Variants in RNF10 observed in about 807,000 individuals in gnomAD.
RNF10 encodes E3 ubiquitin-protein ligase RNF10.
In RNF10, 38 loss-of-function variants were observed where a neutral mutation model predicts 91.4. The ratio of observed to expected loss-of-function variants is 0.42; its 90% CI spans 0.32 to 0.54. RNF10 has a LOEUF of 0.54. RNF10 is among the 20% of genes least tolerant of loss of function. RNF10 has a pLI of 0.16. For missense variants in RNF10, 945 were observed against 1,012.0 expected, an observed-to-expected ratio of 0.93 and a Z score of 0.90; for synonymous variants, 364 against 366.3, an observed-to-expected ratio of 0.99 and a Z score of 0.07.
At chr12:120,557,214 G>A (rs1171750303) in intron 4 of RNF10, 68 bp from the exon 5 acceptor site, 1 of 1,411,448 alleles carries the variant, frequency 7.1e-7, no homozygotes, top group Admixed American at 1.7e-5. Context: ...GAGTAGAGAG[G>A]CCTAAAACTT....
chr12:120,575,650 CA>C lies in RNF10; in HGVS notation c.2166del (p.Ala723GlnfsTer16), dbSNP rs1354782627. On this transcript the variant is annotated frameshift_variant, in exon 15 of 17. Transcript: ENST00000325954. LOFTEE classifies it high-confidence loss of function. ...SFAQMLRVGK[A>X]KADVWPKTAP... ...TGGCAGATGCTGAGGGTTGGAAAAG[CA>C]AAAGCAGATGTGTGGCCCAAAACTG... The C allele has an allele frequency of 6.2e-7, 1 of 1,614,076 alleles. No homozygotes were observed. Among genetic ancestry groups the C allele is most frequent in the Non-Finnish European group, 8.5e-7 (1 of 1,180,048 alleles).
chr12:120,575,567 G>A, intron 14 of RNF10, 64 bp from the exon 15 acceptor site: 1 of 1,575,928 alleles, frequency 6.3e-7, no homozygotes, highest in Non-Finnish European at 8.7e-7. Context: ...GTCAAGGTAG[G>A]TCTGAAAAAG....
chr12:120,571,960 A>T (rs990824970), intron 14 of RNF10, among the ~76,000 whole-genome samples: 1 of 152,134 alleles, frequency 6.6e-6, no homozygotes, highest in African/African-American at 2.4e-5. Flanking sequence ...GCATTCCTGC[A>T]TTCAGATAAG....
At chr12:120,567,952 T>C (rs1046404902) in intron 13 of RNF10, among the ~76,000 whole-genome samples, 9 of 147,940 alleles carry the variant, frequency 6.1e-5, no homozygotes, top group Non-Finnish European at 1.0e-4. Context: ...TAAAAAAATA[T>C]TAAATGTATA....
At chr12:120,570,193 T>TTC (rs1040899383) in intron 13 of RNF10, 1 of 148,398 alleles carries the variant, frequency 6.7e-6, no homozygotes, top group African/African-American at 2.5e-5. Flanking sequence ...CCTTTTTTTT[T>TTC]TTTTTTTTTT....
At chr12:120,563,114 C>T (rs766405489) in intron 8 of RNF10, 44 bp downstream of exon 8, 4 of 1,613,006 alleles carry the variant, frequency 2.5e-6, no homozygotes, top group Non-Finnish European at 1.7e-6. Flanking sequence ...TCCTCAAATG[C>T]TGTCATTGAG....
At chr12:120,540,417 A>G (rs984999199) in intron 1 of RNF10, among the ~76,000 whole-genome samples, 1 of 152,132 alleles carries the variant, frequency 6.6e-6, no homozygotes, top group African/African-American at 2.4e-5. Context: ...CAGGAACTTG[A>G]TATTTTTTGT....
At chr12:120,545,348 AT>A (rs36040889) in intron 1 of RNF10, among the ~76,000 whole-genome samples, 265 of 132,336 alleles carry the variant, frequency 2.0e-3, no homozygotes, top group Middle Eastern at 4.1e-3. Context: ...TGCCCGGCTA[AT>A]TTTTTTTTTT....
At chr12:120,569,482 AAGG>A (rs1355866189) in intron 13 of RNF10, among the ~76,000 whole-genome samples, 2 of 151,842 alleles carry the variant, frequency 1.3e-5, no homozygotes, top group Admixed American at 1.3e-4. Flanking sequence ...TTAACTGAAA[AAGG>A]AGCATACGAA....
In RNF10 at chr12:120,546,507, A is replaced by G. The variant is rs773131270; in HGVS notation, c.260A>G (p.Gln87Arg). The stretch of plus-strand genomic sequence containing the variant: ...AACCAGTCCCGTCGCTCCAGTTCAC[A>G]GAAAAGCAAGACTTTTAACAAGATG... ...FNNQSRRSSS[Q>R]KSKTFNKMPP... is the part of the protein sequence containing the mutation. The change falls in exon 2 of 17, where the codon CAG (glutamine) becomes CGG (arginine). Residue 87 changes from glutamine to arginine, a missense_variant. Physicochemically the swap from Gln to Arg is conservative, Grantham distance 43. Transcript: ENST00000325954. The G allele has an allele frequency of 1.2e-6, 2 of 1,614,136 alleles. No individual in the cohort carries two copies. The highest frequency in any genetic ancestry group is 1.7e-6 in the Non-Finnish European group (2 of 1,180,046).
intron 1 of RNF10, among the ~76,000 whole-genome samples, chr12:120,539,956 C>T (rs1211543883): frequency 1.3e-5 from 2 of 151,870 alleles, no homozygotes; most frequent in Admixed American, 6.6e-5. Flanking sequence ...CTGCCTCAGC[C>T]TCCTGAGTAG....
At chr12:120,540,943 C>T (rs1011695120) in intron 1 of RNF10, among the ~76,000 whole-genome samples, 3 of 151,802 alleles carry the variant, frequency 2.0e-5, no homozygotes, top group African/African-American at 7.3e-5. Flanking sequence ...GCAACCTCCA[C>T]CTCCCGGGTT....
intron 1 of RNF10, among the ~76,000 whole-genome samples, chr12:120,545,286 G>A (rs866460566): frequency 2.6e-5 from 4 of 151,360 alleles, no homozygotes; most frequent in Non-Finnish European, 5.9e-5. Flanking sequence ...GGTTCACGCC[G>A]TTCTCCTGCC....
intron 1 of RNF10, among the ~76,000 whole-genome samples, chr12:120,541,452 T>TC (rs1871551377): frequency 6.6e-6 from 1 of 151,220 alleles, no homozygotes; most frequent in African/African-American, 2.4e-5. Context: ...TTTTTTTTTT[T>TC]GAGACGGAGT....
Position 120,534,655 on chromosome 12 carries a change from T to C in RNF10, c.-157T>C. 1 of 1,358,732 alleles carries C rather than the reference T, an allele frequency of 7.4e-7. No homozygotes were observed. The highest frequency in any genetic ancestry group is 9.4e-7 in the Non-Finnish European group (1 of 1,063,224). The allele number at this position is 1,358,732 out of a possible 1,614,324, so 84.2% of individuals were successfully genotyped here. On this transcript the variant is annotated 5_prime_UTR_variant, in exon 1 of 17. Coordinates refer to ENST00000325954, the MANE Select transcript of RNF10 (RefSeq NM_014868.5). ...CAGCCCCGTCCGCCGCTTCTCTTCC[T>C]AGTTTGAGAAGCCAAGGAAGGAAAC...
At chr12:120,571,326 T>A (rs761152008) in intron 14 of RNF10, 35 bp downstream of exon 14, 1 of 1,433,644 alleles carries the variant, frequency 7.0e-7, no homozygotes, top group Non-Finnish European at 9.8e-7. Flanking sequence ...CCCAGGGGTA[T>A]TTAACATGAA....
intron 10 of RNF10, 67 bp from the exon 11 acceptor site, chr12:120,565,005 G>A: frequency 3.0e-6 from 3 of 1,016,632 alleles, no homozygotes; most frequent in Non-Finnish European, 1.6e-6. Flanking sequence ...TGGATATCGG[G>A]GTTAGGACCC....
rs931691403 is a variant in RNF10, at chr12:120,534,511, CG to C, written c.-297del. On this transcript the variant is annotated 5_prime_UTR_variant, in exon 1 of 17. Transcript: ENST00000325954. ...AGAGCGTGTCCGGCCGGCCGGCCGG[CG>C]GGGCTCGCGCAACCTCCCTCGCCTC... The C allele has an allele frequency of 2.8e-4, 81 of 287,734 alleles. No individual in the cohort carries two copies. Among genetic ancestry groups the C allele is most frequent in the Non-Finnish European group, 4.1e-4 (68 of 165,618 alleles). 17.8% of individuals were successfully genotyped at this position (287,734 alleles called of 1,614,324 possible).
intron 14 of RNF10, 77 bp from the exon 15 acceptor site, chr12:120,575,554 T>A: frequency 6.7e-7 from 1 of 1,498,440 alleles, no homozygotes; most frequent in Non-Finnish European, 9.3e-7. Flanking sequence ...GCCTCTCCAG[T>A]TAGTCAAGGT....
Sources: gnomAD v4.1 joint callset for allele counts (sites outside exome capture counted in the v4.1 genomes callset) on GRCh38, gnomAD v4.1.1 for gene constraint, MANE v1.5 for transcripts, NCBI Gene and HGNC (gene_info 2026-07-23, HGNC 2026-07-21) for gene names.